Variants in AFF1 observed in about 807,000 individuals in gnomAD.
AFF1 encodes AF4/FMR2 family member 1.
A neutral mutation model predicts 121.7 loss-of-function variants in AFF1; 48 were observed. The observed-to-expected ratio is 0.39, with a 90% CI of 0.31 to 0.50. The LOEUF (loss-of-function observed/expected upper bound fraction) is 0.50, where lower values mean the gene tolerates loss of function less well. Among genes scored for constraint, AFF1 ranks in the 20% least tolerant of loss-of-function variants. AFF1 has a pLI of 0.76. For missense variants in AFF1, 1,523 were observed against 1,511.7 expected (o/e 1.01, Z -0.12); for synonymous variants, 613 against 563.0 (o/e 1.09, Z -1.26).
At position 86,935,062 on chromosome 4, in the gene AFF1, C is replaced by G. The variant is rs958951206; in HGVS notation, c.-215C>G. The G allele has an allele frequency of 2.6e-5, 4 of 152,022 alleles. No homozygotes were observed. The highest frequency in any genetic ancestry group is 6.6e-5 in the Admixed American group (1 of 15,264). 9.4% of individuals were successfully genotyped at this position (152,022 alleles called of 1,614,324 possible). A position where few individuals can be genotyped will look rare whatever the true frequency, so the allele number is the denominator to read the frequency against. The stretch of plus-strand genomic sequence containing the variant: ...GCGGCCCCTGCGCACTCGGCCGCCG[C>G]CTGCGCGCGTTGCGGCCGCAGCTGC... On this transcript the variant is annotated 5_prime_UTR_variant, in exon 1 of 21. Transcript: ENST00000395146.
At chr4:87,076,619 A>G (rs972611687) in intron 4 of AFF1, among the ~76,000 whole-genome samples, 1 of 152,206 alleles carries the variant, frequency 6.6e-6, no homozygotes, top group African/African-American at 2.4e-5. Flanking sequence ...TTTGTAATCC[A>G]TCACCCCTCC....
chr4:87,054,011 C>T (rs1223267154), intron 4 of AFF1, among the ~76,000 whole-genome samples: 2 of 152,192 alleles, frequency 1.3e-5, no homozygotes. Flanking sequence ...GAAGGAATAG[C>T]ATGTGCCACT....
chr4:87,089,249 CAT>C (rs1252049298), intron 5 of AFF1, among the ~76,000 whole-genome samples: 1 of 152,146 alleles, frequency 6.6e-6, no homozygotes. Context: ...CAATTTGACA[CAT>C]CTTTTTTCTG....
Position 87,048,119 on chromosome 4 carries a change from T to G in AFF1, c.1059+525T>G, listed in dbSNP as rs1730909455. On this transcript the variant is annotated intron_variant, in intron 4 of 20. Coordinates refer to ENST00000395146, the MANE Select transcript of AFF1 (RefSeq NM_001166693.3). ...ACAAGATGACAGAGTCTCTTAATTT[T>G]TATTATTTTAGAAGGACTTGTTCCC... 2.5e-5 allele frequency: 4 copies of G among 158,462 alleles called. No individual in the cohort carries two copies. In the South Asian group the frequency reaches 7.0e-4, roughly 28 times the overall value. 9.8% of individuals were successfully genotyped at this position (158,462 alleles called of 1,614,324 possible). A position where few individuals can be genotyped will look rare whatever the true frequency, so the allele number is the denominator to read the frequency against.
intron 8 of AFF1, among the ~76,000 whole-genome samples, chr4:87,097,061 T>G (rs993862233): frequency 1.3e-5 from 2 of 152,222 alleles, no homozygotes; most frequent in African/African-American, 4.8e-5. Flanking sequence ...AAGAATTCTG[T>G]AGAAGCTCTG....
Position 87,132,323 on chromosome 4 carries a change from A to G in AFF1, c.3226A>G (p.Ile1076Val), listed in dbSNP as rs780553928. The change falls in exon 19 of 21, where the codon ATA becomes GTA. Residue 1076 changes from isoleucine (I) to valine (V), a missense_variant. By Grantham distance (29) the Ile-to-Val change is conservative. Around this residue, in one of 5 missense-constraint regions of AFF1, gnomAD observed 241 missense variants for 265.2 expected, o/e 0.91. Transcript: ENST00000395146. Reference protein sequence around the residue: ...NMAMFRCKKDIAIKYSRTLNK... With the variant: ...NMAMFRCKKDVAIKYSRTLNK... Reference sequence around the variant, plus strand: ...GGCGATGTTTCGTTGTAAAAAAGACATAGCAATAAAGTATTCTCGTACTCT... The same window carrying G: ...GGCGATGTTTCGTTGTAAAAAAGACGTAGCAATAAAGTATTCTCGTACTCT... 5.0e-6 allele frequency: 8 copies of G among 1,613,584 alleles called. No individual in the cohort carries two copies. Among genetic ancestry groups the G allele is most frequent in the Non-Finnish European group, 5.9e-6 (7 of 1,179,842 alleles).
chr4:87,034,771 G>A (rs867824681), intron 2 of AFF1, among the ~76,000 whole-genome samples: 1 of 150,172 alleles, frequency 6.7e-6, no homozygotes, highest in African/African-American at 2.5e-5. Context: ...TCATTTGATG[G>A]GTAAAAGAAT....
intron 12 of AFF1, among the ~76,000 whole-genome samples, chr4:87,123,483 CCTT>C (rs1727920828): frequency 6.6e-6 from 1 of 152,132 alleles, no homozygotes; most frequent in African/African-American, 2.4e-5. Flanking sequence ...CTGTATTTTC[CCTT>C]CTTAACATTC....
At chr4:86,965,119 CTT>C (rs1321134945) in intron 2 of AFF1, among the ~76,000 whole-genome samples, 2 of 152,192 alleles carry the variant, frequency 1.3e-5, no homozygotes, top group Non-Finnish European at 2.9e-5. Context: ...AATGGGTTAA[CTT>C]AGTGTTGCTG....
At chr4:87,084,513 C>G (rs966439348) in intron 5 of AFF1, among the ~76,000 whole-genome samples, 2 of 151,304 alleles carry the variant, frequency 1.3e-5, no homozygotes, top group Non-Finnish European at 2.9e-5. Context: ...CACGCCACTG[C>G]ACTCCAGCCT....
At chr4:87,020,242 A>G (rs890584035) in intron 2 of AFF1, among the ~76,000 whole-genome samples, 1 of 152,224 alleles carries the variant, frequency 6.6e-6, no homozygotes, top group African/African-American at 2.4e-5. Flanking sequence ...TTATTTTCAA[A>G]TGAATGTATT....
At chr4:87,028,217 T>C (rs565403379) in intron 2 of AFF1, among the ~76,000 whole-genome samples, 26 of 152,350 alleles carry the variant, frequency 1.7e-4, no homozygotes, top group African/African-American at 6.0e-4. Context: ...TCCATTAATG[T>C]ATTTTTATAC....
At position 87,115,073 on chromosome 4, in the gene AFF1, C is replaced by T. The variant is rs149088336; in HGVS notation, c.2240C>T (p.Pro747Leu). 3.6e-4 allele frequency: 575 copies of T among 1,614,056 alleles called. No individual in the cohort carries two copies. The highest frequency in any genetic ancestry group is 4.7e-4 in the Non-Finnish European group (555 of 1,180,042). Reference protein sequence around the residue: ...VQEDSRKDRLPLPLRDTKLLS... With the variant: ...VQEDSRKDRLLLPLRDTKLLS... Reference sequence around the variant, plus strand: ...GAGGACAGCCGCAAAGACAGACTCCCATTGCCTTTGAGAGACACCAAGCTG... The same window carrying T: ...GAGGACAGCCGCAAAGACAGACTCCTATTGCCTTTGAGAGACACCAAGCTG... Residue 747 changes from proline to leucine, a missense_variant, in exon 12 of 21, where the codon CCA becomes CTA. This residue lies in a region of AFF1 where 905 missense variants were observed against 842.5 expected (regional missense o/e 1.07). Coordinates refer to ENST00000395146, the MANE Select transcript of AFF1 (RefSeq NM_001166693.3).
At position 87,041,241 on chromosome 4, in the gene AFF1, A is replaced by G. The variant is rs578003661; in HGVS notation, c.39-4925A>G. 7.2e-5 allele frequency among the ~76,000 whole-genome samples: 11 copies of G among 152,308 alleles called. 1 individual carries two copies. In the South Asian group the frequency reaches 2.3e-3, roughly 32 times the overall value. The stretch of plus-strand genomic sequence containing the variant: ...ATGGGGTTAATAATCCCACTCTCAC[A>G]GGGTTGTTGTGAAAATTAAATAGAA... On this transcript the variant is annotated intron_variant, in intron 2 of 20. Coordinates refer to ENST00000395146, the MANE Select transcript of AFF1 (RefSeq NM_001166693.3).
chr4:86,991,661 T>A (rs1044607594), intron 2 of AFF1, among the ~76,000 whole-genome samples: 21 of 151,372 alleles, frequency 1.4e-4, no homozygotes, highest in African/African-American at 4.7e-4. Context: ...GCTCTGAGAC[T>A]TTTTACTACG....
chr4:87,084,045 A>T, intron 4 of AFF1, 75 bp from the exon 5 acceptor site: 1 of 1,344,574 alleles, frequency 7.4e-7, no homozygotes. Context: ...TTGCTGCATT[A>T]ATACAGTCAT....
chr4:87,046,292 T>C lies in AFF1; in HGVS notation c.159+6T>C, dbSNP rs1163102066. 2.5e-6 allele frequency: 4 copies of C among 1,609,980 alleles called. No individual in the cohort carries two copies. The highest frequency in any genetic ancestry group is 3.4e-6 in the Non-Finnish European group (4 of 1,178,974). ...TTTTTGGAGAGCCCTACAAGGTATT[T>C]ACTGAACACTAGACATTGAAGTCCT... On this transcript the variant is annotated splice_donor_region_variant and intron_variant, in intron 3 of 20. Transcript: ENST00000395146.
rs1443765091 is a variant in AFF1, at chr4:87,131,152, A to G, written c.3034A>G (p.Thr1012Ala). The G allele has an allele frequency of 1.9e-6, 3 of 1,614,212 alleles. No individual in the cohort carries two copies. The highest frequency in any genetic ancestry group is 1.1e-5 in the South Asian group (1 of 91,088). Residue 1012 changes from threonine (T) to alanine (A), a missense_variant, in exon 17 of 21, where the codon ACA (threonine) becomes GCA (alanine). Coordinates refer to ENST00000395146, the MANE Select transcript of AFF1 (RefSeq NM_001166693.3). ...GTCCTTCATTGAGTGCGGAATTGCC[A>G]CAGAGTCTGAAAGCCAGTCATCCAA... is the stretch of plus-strand genomic sequence containing the variant. ...VLSFIECGIA[T>A]ESESQSSKSA...
chr4:87,063,377 A>G (rs114038658), intron 4 of AFF1, among the ~76,000 whole-genome samples: 1 of 151,442 alleles, frequency 6.6e-6, no homozygotes, highest in African/African-American at 2.4e-5. Context: ...AGTAGCTGGG[A>G]TAATAAGCAT....
Sources: gnomAD v4.1 joint callset for allele counts (sites outside exome capture counted in the v4.1 genomes callset) on GRCh38, gnomAD v4.1.1 for gene constraint, gnomAD v4.1.1 regional missense constraint, MANE v1.5 for transcripts, NCBI Gene and HGNC (gene_info 2026-07-23, HGNC 2026-07-21) for gene names.